The following IFT43 variants were observed in gnomAD, a reference collection of about 807,000 sequenced individuals.
The protein encoded by IFT43 is intraflagellar transport 43.
Under a neutral mutation model 32.3 loss-of-function variants are expected in IFT43, and 33 were observed. The ratio of observed to expected loss-of-function variants is 1.02; its 90% CI spans 0.77 to 1.37. IFT43 has a LOEUF of 1.37. Ranked by LOEUF, IFT43 falls within the 40% of genes most tolerant of loss-of-function variation. The probability of loss-of-function intolerance (pLI) is 0.00; values close to 1 mark genes in which losing one functional copy is unlikely to be tolerated. For synonymous variants in IFT43, 93 were observed against 98.2 expected (o/e 0.95, Z 0.31); for missense variants, 274 against 265.9 (o/e 1.03, Z -0.21).
intron 3 of IFT43, among the ~76,000 whole-genome samples, chr14:76,033,449 G>C (rs535529886): frequency 7.2e-5 from 11 of 152,190 alleles, no homozygotes; most frequent in African/African-American, 2.7e-4. Flanking sequence ...GCTTGGAAAG[G>C]CTGGGTAAGT....
intron 4 of IFT43, 120 bp downstream of exon 4, chr14:76,058,794 G>A (rs752241043): frequency 6.3e-7 from 1 of 1,589,518 alleles, no homozygotes; most frequent in East Asian, 2.2e-5. Flanking sequence ...TCTGGGGCTA[G>A]AATTATTGAT....
chr14:76,058,998 T>G, intron 4 of IFT43: 1 of 1,428,102 alleles, frequency 7.0e-7, no homozygotes, highest in South Asian at 1.5e-5. Flanking sequence ...CCTTGCCTTC[T>G]CATAAGACTT....
chr14:76,016,343 T>G (rs1038267724), intron 2 of IFT43, among the ~76,000 whole-genome samples: 3 of 152,216 alleles, frequency 2.0e-5, no homozygotes, highest in Non-Finnish European at 1.5e-5. Flanking sequence ...GTAGGTGTTG[T>G]TTTCAAAAAT....
chr14:76,059,059 C>A, intron 4 of IFT43: 1 of 1,425,004 alleles, frequency 7.0e-7, no homozygotes, highest in African/African-American at 1.4e-5. Context: ...GAAGGTAGGG[C>A]CACCCAGTTT....
chr14:76,031,103 A>G (rs1021318929), intron 3 of IFT43, among the ~76,000 whole-genome samples: 9 of 149,076 alleles, frequency 6.0e-5, no homozygotes, highest in Non-Finnish European at 1.3e-4. Flanking sequence ...TGTATATATA[A>G]GTTTTTATAT....
At chr14:76,047,822 A>T (rs953406624) in intron 3 of IFT43, among the ~76,000 whole-genome samples, 5 of 151,582 alleles carry the variant, frequency 3.3e-5, no homozygotes, top group African/African-American at 1.2e-4. Context: ...ACCAGTTGCA[A>T]GGAAGGGACT....
At chr14:76,052,418 C>T (rs887571603) in intron 3 of IFT43, among the ~76,000 whole-genome samples, 4 of 152,160 alleles carry the variant, frequency 2.6e-5, no homozygotes, top group Non-Finnish European at 2.9e-5. Flanking sequence ...GGTTGTTTTG[C>T]GGCCTCTTCC....
intron 2 of IFT43, among the ~76,000 whole-genome samples, chr14:76,016,033 C>T (rs2036181299): frequency 6.6e-6 from 1 of 151,956 alleles, no homozygotes; most frequent in Non-Finnish European, 1.5e-5. Context: ...GGGTTTTTTG[C>T]TATTGAATTG....
intron 3 of IFT43, among the ~76,000 whole-genome samples, chr14:76,032,753 G>C (rs1188677621): frequency 6.6e-6 from 1 of 152,200 alleles, no homozygotes; most frequent in African/African-American, 2.4e-5. Context: ...GAGCTGAAAG[G>C]CTGGAAGACC....
intron 3 of IFT43, among the ~76,000 whole-genome samples, chr14:76,048,310 C>G (rs1404030052): frequency 6.6e-6 from 1 of 152,120 alleles, no homozygotes; most frequent in Admixed American, 6.5e-5. Flanking sequence ...AAAAAACTTC[C>G]AAGGAAAAAA....
intron 2 of IFT43, among the ~76,000 whole-genome samples, chr14:75,999,254 TATATATATATATATA>T (rs2035820540): frequency 8.0e-4 from 8 of 10,008 alleles, no homozygotes; most frequent in African/African-American, 3.1e-3. Flanking sequence ...TATATATATA[TATATATATATATATA>T]TATGTATATA....
intron 2 of IFT43, among the ~76,000 whole-genome samples, chr14:75,993,373 C>T (rs1025276582): frequency 2.0e-4 from 30 of 152,182 alleles, no homozygotes; most frequent in Non-Finnish European, 4.4e-5. Flanking sequence ...TCCCACATGG[C>T]GGCAATTGGC....
intron 2 of IFT43, among the ~76,000 whole-genome samples, chr14:75,994,359 G>C (rs1010772940): frequency 2.6e-5 from 4 of 152,242 alleles, no homozygotes; most frequent in Admixed American, 6.5e-5. Context: ...TGAGAGAAGA[G>C]GAAAAGTCTC....
chr14:76,013,819 G>A, intron 2 of IFT43: 1 of 270,910 alleles, frequency 3.7e-6, no homozygotes. Flanking sequence ...CATATGATAA[G>A]GGGGCCTTCA....
chr14:76,020,926 C>T (rs2036278188), intron 2 of IFT43, among the ~76,000 whole-genome samples: 1 of 152,072 alleles, frequency 6.6e-6, no homozygotes, highest in African/African-American at 2.4e-5. Flanking sequence ...TGGGTGGTGG[C>T]TGCAAGCTGG....
At chr14:76,068,382 A>G (rs754014891) in intron 5 of IFT43, among the ~76,000 whole-genome samples, 2 of 152,218 alleles carry the variant, frequency 1.3e-5, no homozygotes. Flanking sequence ...CCCAACTACA[A>G]TACTCATCCT....
At chr14:76,052,419 G>A (rs768137602) in intron 3 of IFT43, among the ~76,000 whole-genome samples, 10 of 152,076 alleles carry the variant, frequency 6.6e-5, no homozygotes, top group Admixed American at 5.2e-4. Context: ...GTTGTTTTGC[G>A]GCCTCTTCCC....
At position 76,077,384 on chromosome 14, in the gene IFT43, A is replaced by G. The variant is rs548623013; in HGVS notation, c.296-4911A>G. Among the ~76,000 whole-genome samples the G allele has an allele frequency of 2.0e-5, 3 of 152,332 alleles. No homozygotes were observed. In the South Asian group the frequency reaches 6.2e-4, roughly 32 times the overall value. ...GATTCTAACTGGAACAATGTAGAGA[A>G]GTAGAGAAGGTTGACATGGCTCTTC... On this transcript the variant is annotated intron_variant, in intron 5 of 8. Coordinates refer to ENST00000314067, the MANE Select transcript of IFT43 (RefSeq NM_001102564.3).
In IFT43 at chr14:76,083,283, C is replaced by A. The variant is rs1248117843; in HGVS notation, c.501C>A (p.Val167=). The change falls in exon 8 of 9, where the codon GTC becomes GTA. Residue 167 remains valine, a synonymous_variant. Coordinates refer to ENST00000314067, the MANE Select transcript of IFT43 (RefSeq NM_001102564.3). ...LTKVLAPEHE[V]REDDVGWDWD... ...AAGTGCTCGCGCCGGAGCACGAAGTCCGGGAGGTACAGTGGTGGCAGCAAT... is the reference window on the plus strand; with the variant it reads ...AAGTGCTCGCGCCGGAGCACGAAGTACGGGAGGTACAGTGGTGGCAGCAAT... 6.8e-6 allele frequency: 11 copies of A among 1,613,506 alleles called. No homozygotes were observed. Among genetic ancestry groups the A allele is most frequent in the African/African-American group, 4.0e-5 (3 of 74,892 alleles).
Sources: gnomAD v4.1 joint callset for allele counts (sites outside exome capture counted in the v4.1 genomes callset) on GRCh38, gnomAD v4.1.1 for gene constraint, MANE v1.5 for transcripts, NCBI Gene and HGNC (gene_info 2026-07-23, HGNC 2026-07-21) for gene names.